TEK: variants seen among roughly 807,000 people sequenced by gnomAD.
TEK encodes angiopoietin-1 receptor.
Under a neutral mutation model 131.8 loss-of-function variants are expected in TEK, and 43 were observed. That is an observed-to-expected ratio of 0.33 (90% CI 0.26 to 0.42). The LOEUF (loss-of-function observed/expected upper bound fraction) is 0.42, where lower values mean the gene tolerates loss of function less well. Among genes scored for constraint, TEK ranks in the 10% least tolerant of loss-of-function variants. The pLI, the probability that TEK is intolerant of heterozygous loss-of-function variation, is 1.00. For missense variants in TEK, 1,162 were observed against 1,384.4 expected, an observed-to-expected ratio of 0.84 and a Z score of 2.55; for synonymous variants, 580 against 491.6, an observed-to-expected ratio of 1.18 and a Z score of -2.38.
In TEK at chr9:27,172,281, G is replaced by A. The variant is rs767888464; in HGVS notation, c.629-335G>A. Among the ~76,000 whole-genome samples the A allele has an allele frequency of 8.5e-4, 129 of 152,266 alleles. 2 individuals are homozygous for A. Among genetic ancestry groups the A allele is most frequent in the South Asian group, 4.1e-4 (2 of 4,820 alleles). ...ATGCCATGCTGTCTTCCCATGCCTTGTCTTTGCCTGGAAGACACTCTCCAG... is the reference window on the plus strand; with the variant it reads ...ATGCCATGCTGTCTTCCCATGCCTTATCTTTGCCTGGAAGACACTCTCCAG... On this transcript the variant is annotated intron_variant, in intron 4 of 22. Coordinates refer to ENST00000380036, the MANE Select transcript of TEK (RefSeq NM_000459.5).
At chr9:27,200,963 AT>A (rs901016705) in intron 12 of TEK, among the ~76,000 whole-genome samples, 11 of 152,014 alleles carry the variant, frequency 7.2e-5, no homozygotes, top group Admixed American at 7.2e-4. Flanking sequence ...TTTTAGTTCT[AT>A]TTTTCCCCCC....
chr9:27,202,594 T>C (rs2131206628), intron 12 of TEK, among the ~76,000 whole-genome samples: 1 of 152,358 alleles, frequency 6.6e-6, no homozygotes, highest in South Asian at 2.1e-4. Flanking sequence ...AAGGCCTTCA[T>C]TTAGTGTCAA....
intron 1 of TEK, among the ~76,000 whole-genome samples, chr9:27,109,944 G>C (rs1821268863): frequency 6.7e-6 from 1 of 150,340 alleles, no homozygotes. Flanking sequence ...TTATTTTCCT[G>C]CTCCTCATTC....
Position 27,213,499 on chromosome 9 carries a change from C to A in TEK, c.2893C>A (p.Leu965Met), listed in dbSNP as rs1825708118. 6.2e-7 allele frequency: 1 copy of A among 1,613,832 alleles called. No individual in the cohort carries two copies. Among genetic ancestry groups the A allele is most frequent in the African/African-American group, 1.3e-5 (1 of 74,924 alleles). ...LSQKQFIHRD[L>M]AARNILVGEN... ...AAAATTTCAGTTTATCCACAGGGAT[C>A]TGGCTGCCAGAAACATTTTAGTTGG... is the stretch of plus-strand genomic sequence containing the variant. Residue 965 changes from leucine (L) to methionine (M), a missense_variant, in exon 18 of 23, where the codon CTG becomes ATG. Around this residue, in one of 6 missense-constraint regions of TEK, gnomAD observed 107 missense variants for 173.9 expected, o/e 0.62. Transcript: ENST00000380036.
chr9:27,227,525 T>C (rs1826386573), intron 21 of TEK, among the ~76,000 whole-genome samples: 1 of 152,130 alleles, frequency 6.6e-6, no homozygotes, highest in African/African-American at 2.4e-5. Flanking sequence ...AAATCCAAGA[T>C]CAAAGCGCTA....
intron 11 of TEK, among the ~76,000 whole-genome samples, chr9:27,195,283 C>T (rs1219113383): frequency 6.6e-6 from 1 of 152,118 alleles, no homozygotes; most frequent in East Asian, 1.9e-4. Context: ...ACTTAATTCC[C>T]AGTAGATGGA....
chr9:27,224,636 CCACAGCCAGTATCA>C (rs1377345100), intron 21 of TEK, among the ~76,000 whole-genome samples: 1 of 152,092 alleles, frequency 6.6e-6, no homozygotes, highest in African/African-American at 2.4e-5. Flanking sequence ...TATGACAAAC[CCACAGCCAGTATCA>C]CACTGAATGG....
intron 6 of TEK, among the ~76,000 whole-genome samples, chr9:27,177,528 A>G (rs1468777410): frequency 6.6e-6 from 1 of 152,204 alleles, no homozygotes; most frequent in Non-Finnish European, 1.5e-5. Context: ...AGGCGGGCGG[A>G]TCACCTGAGG....
intron 1 of TEK, among the ~76,000 whole-genome samples, chr9:27,127,041 A>AT (rs1347461649): frequency 6.6e-6 from 1 of 152,202 alleles, no homozygotes; most frequent in Non-Finnish European, 1.5e-5. Context: ...GTTTTGTTAC[A>AT]TAGGTATACA....
intron 8 of TEK, 93 bp from the exon 9 acceptor site, chr9:27,185,392 T>C: frequency 2.0e-6 from 3 of 1,500,096 alleles, no homozygotes; most frequent in Non-Finnish European, 2.8e-6. Flanking sequence ...CCTAGGAAAC[T>C]TCTTATTAAA....
At chr9:27,196,761 A>G (rs1260446038) in intron 11 of TEK, among the ~76,000 whole-genome samples, 2 of 112,276 alleles carry the variant, frequency 1.8e-5, no homozygotes, top group Admixed American at 8.7e-5. Context: ...GGTGCTATAC[A>G]CTTTTTTTTT....
chr9:27,172,571 G>C (rs747833162), intron 4 of TEK, 45 bp from the exon 5 acceptor site: 2 of 1,610,638 alleles, frequency 1.2e-6, no homozygotes, highest in Non-Finnish European at 1.7e-6. Flanking sequence ...GATGTGTTGA[G>C]CGAATGCGCT....
intron 21 of TEK, among the ~76,000 whole-genome samples, chr9:27,226,162 A>T (rs1341935948): frequency 6.6e-6 from 1 of 152,232 alleles, no homozygotes; most frequent in East Asian, 1.9e-4. Flanking sequence ...CCATTGTGGA[A>T]GTCAGTGTGG....
At chr9:27,228,054 TG>T in intron 21 of TEK, 151 bp from the exon 22 acceptor site, 1 of 577,258 alleles carries the variant, frequency 1.7e-6, no homozygotes. Flanking sequence ...CTTAGGGAGG[TG>T]GGAGTCCTCA....
chr9:27,179,266 TTG>T (rs1824278156), intron 6 of TEK, among the ~76,000 whole-genome samples: 1 of 152,210 alleles, frequency 6.6e-6, no homozygotes, highest in Admixed American at 6.5e-5. Flanking sequence ...ATTTCAAATA[TTG>T]TGTTTTTCAG....
chr9:27,153,499 A>C (rs1823209868), intron 1 of TEK, among the ~76,000 whole-genome samples: 1 of 152,244 alleles, frequency 6.6e-6, no homozygotes, highest in South Asian at 2.1e-4. Context: ...AAATAGCATT[A>C]ATCTCTAAAA....
At chr9:27,174,220 C>A (rs191010112) in intron 6 of TEK, among the ~76,000 whole-genome samples, 48 of 152,272 alleles carry the variant, frequency 3.2e-4, no homozygotes, top group African/African-American at 1.1e-3. Context: ...TATATTAATA[C>A]TGTGAATTAG....
At chr9:27,195,600 G>T (rs1824977093) in intron 11 of TEK, 1 of 455,332 alleles carries the variant, frequency 2.2e-6, no homozygotes, top group Non-Finnish European at 4.4e-6. Flanking sequence ...CGTTTTGGAA[G>T]GACTTCATAT....
intron 21 of TEK, among the ~76,000 whole-genome samples, chr9:27,224,290 T>C (rs1250622268): frequency 6.6e-6 from 1 of 152,104 alleles, no homozygotes; most frequent in African/African-American, 2.4e-5. Flanking sequence ...TACCCAAACC[T>C]GGCAGAGACA....
Sources: allele counts gnomAD v4.1 joint callset (sites outside exome capture counted in the v4.1 genomes callset), GRCh38; gene constraint gnomAD v4.1.1; regional missense constraint gnomAD v4.1.1; transcripts MANE v1.5; gene names NCBI Gene and HGNC (gene_info 2026-07-23, HGNC 2026-07-21).